RNF125: variants seen among roughly 807,000 people sequenced by gnomAD.
The protein encoded by RNF125 is E3 ubiquitin-protein ligase RNF125.
A neutral mutation model predicts 26.0 loss-of-function variants in RNF125; 21 were observed. The ratio of observed to expected loss-of-function variants is 0.81; its 90% confidence interval spans 0.57 to 1.16. The LOEUF is 1.16. RNF125 is among the 50% of genes most tolerant of loss of function. The probability of loss-of-function intolerance (pLI) is 0.00; values close to 1 mark genes in which losing one functional copy is unlikely to be tolerated. For missense variants in RNF125, 270 were observed against 299.4 expected (o/e 0.90, Z 0.72); for synonymous variants, 95 against 109.2 (o/e 0.87, Z 0.81).
chr18:32,050,506 A>AT (rs1568202683), intron 4 of RNF125, among the ~76,000 whole-genome samples: 1 of 151,630 alleles, frequency 6.6e-6, no homozygotes. Context: ...TTATTTTTTT[A>AT]TTTTTTATTT....
intron 1 of RNF125, among the ~76,000 whole-genome samples, chr18:32,025,485 G>A (rs914900854): frequency 2.0e-5 from 3 of 151,976 alleles, no homozygotes; most frequent in Admixed American, 2.0e-4. Flanking sequence ...CCAACATGGC[G>A]AAACCCCGTT....
At chr18:32,051,217 G>C (rs1419274041) in intron 4 of RNF125, among the ~76,000 whole-genome samples, 2 of 151,912 alleles carry the variant, frequency 1.3e-5, no homozygotes, top group Non-Finnish European at 2.9e-5. Context: ...TAATTTATTA[G>C]GCTTATGGAG....
intron 1 of RNF125, among the ~76,000 whole-genome samples, chr18:32,033,111 T>C (rs1480715472): frequency 6.6e-6 from 1 of 152,178 alleles, no homozygotes; most frequent in Non-Finnish European, 1.5e-5. Flanking sequence ...TTGCCTGACA[T>C]GCTGGTAACC....
chr18:32,066,437 C>T (rs914967083), intron 5 of RNF125, among the ~76,000 whole-genome samples: 1 of 148,696 alleles, frequency 6.7e-6, no homozygotes, highest in Non-Finnish European at 1.5e-5. Context: ...CCAGCCTGGG[C>T]AACAGAGTGA....
At chr18:32,058,500 C>T (rs1234122577) in intron 4 of RNF125, among the ~76,000 whole-genome samples, 2 of 151,920 alleles carry the variant, frequency 1.3e-5, no homozygotes, top group Admixed American at 6.6e-5. Context: ...CTCATGTGAC[C>T]ACACCCAGCT....
chr18:32,080,236 C>T, the RNF125 span, among the ~76,000 whole-genome samples: 23 of 152,240 alleles, frequency 1.5e-4, no homozygotes, highest in Non-Finnish European at 2.9e-4. Flanking sequence ...ACCATGTTGG[C>T]CAGGCTGGTC....
At chr18:32,074,254 G>A (rs528951722), downstream of RNF125, among the ~76,000 whole-genome samples, 8 of 152,214 alleles carry the variant, frequency 5.3e-5, no homozygotes, top group South Asian at 1.5e-3. Flanking sequence ...TGCTGAGTTG[G>A]CTACACAGGT....
chr18:32,086,360 T>G, the RNF125 span, among the ~76,000 whole-genome samples: 4 of 151,078 alleles, frequency 2.6e-5, no homozygotes, highest in Non-Finnish European at 4.4e-5. Context: ...TTTGTGTTTT[T>G]TTTTTTTTTT....
chr18:32,024,952 G>A (rs557190915), intron 1 of RNF125, among the ~76,000 whole-genome samples: 1 of 152,110 alleles, frequency 6.6e-6, no homozygotes, highest in South Asian at 2.1e-4. Flanking sequence ...GCATGGTGGC[G>A]CACATGGAGG....
At chr18:32,082,339 C>CAT in the RNF125 span, among the ~76,000 whole-genome samples, 4 of 151,972 alleles carry the variant, frequency 2.6e-5, no homozygotes, top group South Asian at 2.1e-4. Flanking sequence ...CACACACACA[C>CAT]ATATATATAC....
intron 1 of RNF125, among the ~76,000 whole-genome samples, chr18:32,022,523 CTG>C (rs2038995246): frequency 6.6e-6 from 1 of 152,062 alleles, no homozygotes; most frequent in South Asian, 2.1e-4. Flanking sequence ...AATATGAAAA[CTG>C]AGAGAAAGGG....
chr18:32,037,176 C>G lies in RNF125; in HGVS notation c.225C>G (p.Cys75Trp). The change falls in exon 2 of 6, where the codon TGC becomes TGG. Residue 75 changes from cysteine (C) to tryptophan (W), a missense_variant. Transcript: ENST00000217740. Reference protein sequence around the residue: ...LKNNKWTCPYCRAYLPSEGVP... With the variant: ...LKNNKWTCPYWRAYLPSEGVP... ...ACAACAAGTGGACCTGTCCTTATTG[C>G]CGGGCATATCTTCCTTCAGAAGGAG... The G allele has an allele frequency of 6.2e-7, 1 of 1,605,542 alleles. No homozygotes were observed. The highest frequency in any genetic ancestry group is 8.5e-7 in the Non-Finnish European group (1 of 1,177,108).
the RNF125 span, among the ~76,000 whole-genome samples, chr18:32,078,603 G>T: frequency 6.6e-6 from 1 of 151,686 alleles, no homozygotes; most frequent in Non-Finnish European, 1.5e-5. Context: ...TCATGCCATT[G>T]CACTCCAGCC....
chr18:32,054,657 G>A (rs979005117), intron 4 of RNF125, among the ~76,000 whole-genome samples: 10 of 152,152 alleles, frequency 6.6e-5, no homozygotes, highest in Non-Finnish European at 1.2e-4. Flanking sequence ...ACCTGCCCAA[G>A]GGCTCTGTTG....
intron 1 of RNF125, among the ~76,000 whole-genome samples, chr18:32,028,026 C>T (rs1447383888): frequency 6.6e-6 from 1 of 151,794 alleles, no homozygotes; most frequent in Non-Finnish European, 1.5e-5. Flanking sequence ...CGGCCGGGCG[C>T]GGTGGCTCAC....
the RNF125 span, among the ~76,000 whole-genome samples, chr18:32,085,148 G>A: frequency 6.6e-6 from 1 of 152,036 alleles, no homozygotes; most frequent in Admixed American, 6.6e-5. Flanking sequence ...ACTGGGACAG[G>A]GGCCAATCAG....
chr18:32,057,312 G>C (rs931485774), intron 4 of RNF125, among the ~76,000 whole-genome samples: 3 of 150,558 alleles, frequency 2.0e-5, no homozygotes, highest in Admixed American at 6.6e-5. Context: ...ATGATTCTCA[G>C]TAAAATAGAA....
chr18:32,045,736 A>G lies in RNF125; in HGVS notation c.504+4A>G, dbSNP rs1403789492. ...CAGATCGGAACGGAGGCCTGTGGTA[A>G]GGATTTTTGTTACATGTATTACAGC... On this transcript the variant is annotated splice_donor_region_variant and intron_variant, in intron 4 of 5. Coordinates refer to ENST00000217740, the MANE Select transcript of RNF125 (RefSeq NM_017831.4). 5 of 1,602,854 alleles carry G rather than the reference A, an allele frequency of 3.1e-6. No individual in the cohort carries two copies. In the Admixed American group the frequency reaches 8.4e-5, roughly 27 times the overall value.
chr18:32,019,737 T>A (rs2038967938), intron 1 of RNF125, among the ~76,000 whole-genome samples: 1 of 152,144 alleles, frequency 6.6e-6, no homozygotes, highest in South Asian at 2.1e-4. Flanking sequence ...CCCCTGAATG[T>A]ACTCCTTCAA....
Sources: allele counts gnomAD v4.1 joint callset (sites outside exome capture counted in the v4.1 genomes callset), GRCh38; gene constraint gnomAD v4.1.1; transcripts MANE v1.5; gene names NCBI Gene and HGNC (gene_info 2026-07-23, HGNC 2026-07-21).